The following TTC9 variants were observed in gnomAD, a reference collection of about 807,000 sequenced individuals.
The protein encoded by TTC9 is tetratricopeptide repeat domain 9, also known as tetratricopeptide repeat protein 9A.
In TTC9, 13 loss-of-function variants were observed where a neutral mutation model predicts 22.9. The ratio of observed to expected loss-of-function variants is 0.57; its 90% CI spans 0.37 to 0.90. TTC9 has a LOEUF of 0.90. Among genes scored for constraint, TTC9 ranks in the 40% least tolerant of loss-of-function variants. The pLI is 0.01. For synonymous variants in TTC9, 148 were observed against 133.2 expected, an observed-to-expected ratio of 1.11 and a Z score of -0.77; for missense variants, 280 against 291.8, an observed-to-expected ratio of 0.96 and a Z score of 0.29.
intron 1 of TTC9, among the ~76,000 whole-genome samples, chr14:70,643,697 A>G (rs17108305): frequency 0.026 from 4,012 of 151,544 alleles, 70 homozygotes; most frequent in Non-Finnish European, 0.042. Flanking sequence ...AATACTGGCA[A>G]TTCTGCTCGG....
chr14:70,647,307 T>C (rs1885916505), intron 1 of TTC9, among the ~76,000 whole-genome samples: 1 of 152,252 alleles, frequency 6.6e-6, no homozygotes, highest in Non-Finnish European at 1.5e-5. Context: ...ATATGTGTAC[T>C]TTATATGCAT....
intron 1 of TTC9, among the ~76,000 whole-genome samples, chr14:70,665,554 G>T (rs1050860745): frequency 1.3e-5 from 2 of 152,216 alleles, no homozygotes; most frequent in African/African-American, 4.8e-5. Context: ...GCCCTCGGGG[G>T]TTAGCAGCCT....
At position 70,667,890 on chromosome 14, in the gene TTC9, T is replaced by A. The variant is rs926519453; in HGVS notation, c.589+144T>A. On this transcript the variant is annotated intron_variant, in intron 2 of 2. Transcript: ENST00000256367. Reference sequence around the variant, plus strand: ...GGGATCAGATATATATGATAAGACCTAAGAGGAGCACACAGCCCATGCATT... The same window carrying A: ...GGGATCAGATATATATGATAAGACCAAAGAGGAGCACACAGCCCATGCATT... 1.6e-5 allele frequency: 12 copies of A among 771,676 alleles called. No individual in the cohort carries two copies. In the Admixed American group the frequency reaches 3.5e-4, roughly 23 times the overall value. The allele number at this position is 771,676 out of a possible 1,614,324, so 47.8% of individuals were successfully genotyped here. A position where few individuals can be genotyped will look rare whatever the true frequency, so the allele number is the denominator to read the frequency against.
intron 1 of TTC9, among the ~76,000 whole-genome samples, chr14:70,665,466 A>AG (rs541348415): frequency 5.3e-5 from 8 of 152,280 alleles, no homozygotes; most frequent in East Asian, 3.9e-4. Context: ...AGGAGAGGGG[A>AG]GGGGGGCTTG....
chr14:70,670,123 A>G (rs997144288), intron 2 of TTC9, among the ~76,000 whole-genome samples: 16 of 152,328 alleles, frequency 1.1e-4, no homozygotes, highest in African/African-American at 3.1e-4. Flanking sequence ...TTTTAGACTT[A>G]CCTATTTTGG....
chr14:70,653,502 A>G (rs1270024959), intron 1 of TTC9, among the ~76,000 whole-genome samples: 2 of 152,220 alleles, frequency 1.3e-5, no homozygotes, highest in Non-Finnish European at 2.9e-5. Context: ...TTGAAAGACC[A>G]CAGAGTTCCA....
intron 1 of TTC9, among the ~76,000 whole-genome samples, chr14:70,661,041 A>G (rs905084466): frequency 6.6e-6 from 1 of 152,202 alleles, no homozygotes; most frequent in South Asian, 2.1e-4. Flanking sequence ...TCTAGAGGCT[A>G]GAAGTGAAAC....
rs1594739287 is a variant in TTC9, at chr14:70,660,018, A to G, written c.407-7546A>G. 2.6e-5 allele frequency among the ~76,000 whole-genome samples: 4 copies of G among 152,364 alleles called. No homozygotes were observed. The South Asian group carries it at 8.3e-4, about 32-fold the overall frequency. On this transcript the variant is annotated intron_variant, in intron 1 of 2. Coordinates refer to ENST00000256367, the MANE Select transcript of TTC9 (RefSeq NM_015351.2). ...GCTCAGAGCAGTGCCTGGCCCATTC[A>G]TGCTAAATAAAGATGACCTGCTCTT...
intron 1 of TTC9, among the ~76,000 whole-genome samples, chr14:70,664,933 G>A (rs1247644682): frequency 6.6e-6 from 1 of 151,972 alleles, no homozygotes; most frequent in Non-Finnish European, 1.5e-5. Context: ...AGTTCCCACC[G>A]GATCTGCAGG....
chr14:70,648,884 G>A (rs548925784), intron 1 of TTC9, among the ~76,000 whole-genome samples: 1 of 152,266 alleles, frequency 6.6e-6, no homozygotes, highest in East Asian at 1.9e-4. Flanking sequence ...AAGGAGTTTA[G>A]CCTAACTGTG....
At chr14:70,642,571 GT>G in intron 1 of TTC9, 36 bp downstream of exon 1, 1 of 1,513,172 alleles carries the variant, frequency 6.6e-7, no homozygotes, top group Non-Finnish European at 8.8e-7. Flanking sequence ...CGCGGTCCCC[GT>G]TCTTCGGCCC....
chr14:70,643,065 G>A (rs1176152332), intron 1 of TTC9, among the ~76,000 whole-genome samples: 1 of 152,248 alleles, frequency 6.6e-6, no homozygotes, highest in African/African-American at 2.4e-5. Flanking sequence ...CATGCCTTCA[G>A]CATCTTGAGC....
chr14:70,655,507 G>C (rs957238051), intron 1 of TTC9, among the ~76,000 whole-genome samples: 1 of 151,904 alleles, frequency 6.6e-6, no homozygotes, highest in African/African-American at 2.4e-5. Context: ...TTTTTCTTCC[G>C]TGTGGGTGTA....
rs1396820486 is a variant in TTC9, at chr14:70,650,768, G to C, written c.406+8233G>C. 2.0e-5 allele frequency among the ~76,000 whole-genome samples: 3 copies of C among 152,166 alleles called. No individual in the cohort carries two copies. In the East Asian group the frequency reaches 5.8e-4, roughly 29 times the overall value. Reference sequence around the variant, plus strand: ...GTTCTATGTGTGCTTAGAGATACGAGTCTCCAAAACCTATATTACTTGAAA... The same window carrying C: ...GTTCTATGTGTGCTTAGAGATACGACTCTCCAAAACCTATATTACTTGAAA... On this transcript the variant is annotated intron_variant, in intron 1 of 2. Transcript: ENST00000256367.
At chr14:70,651,433 C>G (rs778524311) in intron 1 of TTC9, among the ~76,000 whole-genome samples, 1 of 145,948 alleles carries the variant, frequency 6.9e-6, no homozygotes, top group Non-Finnish European at 1.5e-5. Context: ...AAAACATAAC[C>G]TACAAACATA....
chr14:70,642,649 G>C, intron 1 of TTC9, 114 bp downstream of exon 1: 1 of 1,070,742 alleles, frequency 9.3e-7, no homozygotes, highest in Non-Finnish European at 1.3e-6. Flanking sequence ...GTGTTGCTCT[G>C]GGGAGAACCC....
chr14:70,668,325 T>C (rs1886243928), intron 2 of TTC9, among the ~76,000 whole-genome samples: 1 of 152,140 alleles, frequency 6.6e-6, no homozygotes. Flanking sequence ...GCTAGGTATA[T>C]AGTAGTGAAC....
intron 1 of TTC9, among the ~76,000 whole-genome samples, chr14:70,661,517 T>A (rs1302471317): frequency 6.6e-6 from 1 of 152,198 alleles, no homozygotes; most frequent in Admixed American, 6.5e-5. Context: ...CTATAGTGAG[T>A]TAGCTATAAG....
chr14:70,647,019 CTCTT>C (rs1258788750), intron 1 of TTC9, among the ~76,000 whole-genome samples: 1 of 152,132 alleles, frequency 6.6e-6, no homozygotes, highest in Non-Finnish European at 1.5e-5. Context: ...CTTTTGTTCT[CTCTT>C]TCTCTTGACT....
Sources: allele counts gnomAD v4.1 joint callset (sites outside exome capture counted in the v4.1 genomes callset), GRCh38; gene constraint gnomAD v4.1.1; transcripts MANE v1.5; gene names NCBI Gene and HGNC (gene_info 2026-07-23, HGNC 2026-07-21).